DGKH: variants seen among roughly 807,000 people sequenced by gnomAD.
The protein encoded by DGKH is DAG kinase eta.
Under a neutral mutation model 159.3 loss-of-function variants are expected in DGKH, and 90 were observed. That is an observed-to-expected ratio of 0.57 (90% CI 0.48 to 0.67). The LOEUF (loss-of-function observed/expected upper bound fraction) is 0.67, where lower values mean the gene tolerates loss of function less well. DGKH is among the 30% of genes least tolerant of loss of function. The pLI, the probability that DGKH is intolerant of heterozygous loss-of-function variation, is 0.00. For missense variants in DGKH, 1,181 were observed against 1,506.1 expected, an observed-to-expected ratio of 0.78 and a Z score of 3.57; for synonymous variants, 536 against 553.8, an observed-to-expected ratio of 0.97 and a Z score of 0.45.
At chr13:42,183,436 A>C (rs1035207059) in intron 13 of DGKH, among the ~76,000 whole-genome samples, 3 of 152,256 alleles carry the variant, frequency 2.0e-5, no homozygotes, top group Non-Finnish European at 4.4e-5. Context: ...AGTCACACAC[A>C]GACACACATA....
In DGKH at chr13:42,239,015, T is replaced by C. The variant is rs1958470251; in HGVS notation, c.*9827T>C. 1 of 152,152 alleles carries C rather than the reference T, an allele frequency of 6.6e-6. No homozygotes were observed. The highest frequency in any genetic ancestry group is 1.5e-5 in the Non-Finnish European group (1 of 67,996). The allele number at this position is 152,152 out of a possible 1,614,324, so 9.4% of individuals were successfully genotyped here. A position where few individuals can be genotyped will look rare whatever the true frequency, so the allele number is the denominator to read the frequency against. ...AGATTGGAGTTCATCACCGTGGAAT[T>C]TTGATCTGTCTTAATGACACAACTT... On this transcript the variant is annotated 3_prime_UTR_variant, in exon 30 of 30. Coordinates refer to ENST00000337343, the MANE Select transcript of DGKH (RefSeq NM_178009.5).
chr13:42,138,798 C>T (rs1216770466), intron 3 of DGKH, among the ~76,000 whole-genome samples: 1 of 152,156 alleles, frequency 6.6e-6, no homozygotes, highest in Non-Finnish European at 1.5e-5. Context: ...TAGCAGCAAA[C>T]CTCATATTTT....
At chr13:42,070,935 A>G (rs1389138223) in intron 1 of DGKH, 2 of 1,292,360 alleles carry the variant, frequency 1.5e-6, no homozygotes, top group African/African-American at 2.9e-5. Flanking sequence ...GGGGATTGGT[A>G]AGGACAATTT....
chr13:42,241,210 C>G lies in DGKH; in HGVS notation c.*12022C>G, dbSNP rs1958507531. On this transcript the variant is annotated 3_prime_UTR_variant, in exon 30 of 30. Transcript: ENST00000337343. ...TTCTACCTGCTCTATACTTGGCACT[C>G]AATTAGATTCTGGGGATACAGATAA... 1 of 152,208 alleles carries G rather than the reference C, an allele frequency of 6.6e-6. No homozygotes were observed. Among genetic ancestry groups the G allele is most frequent in the African/African-American group, 2.4e-5 (1 of 41,448 alleles). 9.4% of individuals were successfully genotyped at this position (152,208 alleles called of 1,614,324 possible).
intron 1 of DGKH, among the ~76,000 whole-genome samples, chr13:42,119,202 C>T (rs1422580265): frequency 6.6e-6 from 1 of 152,158 alleles, no homozygotes; most frequent in African/African-American, 2.4e-5. Flanking sequence ...TCCCGTATTT[C>T]TCCTCAAAGC....
chr13:42,118,198 G>A (rs949742519), intron 1 of DGKH, among the ~76,000 whole-genome samples: 2 of 151,992 alleles, frequency 1.3e-5, no homozygotes, highest in Non-Finnish European at 2.9e-5. Flanking sequence ...GCCTGGGCAA[G>A]AGAGAGAGAC....
intron 29 of DGKH, among the ~76,000 whole-genome samples, chr13:42,248,949 G>A (rs113236042): frequency 0.015 from 2,296 of 152,216 alleles, 38 homozygotes; most frequent in East Asian, 0.04. Flanking sequence ...TAGGTGATGC[G>A]TGACTGTGCA....
chr13:42,078,774 CAGAT>C (rs1175893506), intron 1 of DGKH, among the ~76,000 whole-genome samples: 1 of 152,040 alleles, frequency 6.6e-6, no homozygotes, highest in East Asian at 1.9e-4. Flanking sequence ...TGCATATAGA[CAGAT>C]AGACAAAAAT....
chr13:42,082,286 C>T (rs563888856), intron 1 of DGKH, among the ~76,000 whole-genome samples: 9 of 152,162 alleles, frequency 5.9e-5, no homozygotes, highest in African/African-American at 1.9e-4. Flanking sequence ...GAAGGGAAAA[C>T]ATCTTACATG....
chr13:42,094,637 G>C (rs1470753669), intron 1 of DGKH, among the ~76,000 whole-genome samples: 1 of 152,110 alleles, frequency 6.6e-6, no homozygotes, highest in East Asian at 1.9e-4. Context: ...AGAGCCAAAC[G>C]TACAACATTG....
chr13:42,217,121 T>G (rs1248022643), intron 26 of DGKH, among the ~76,000 whole-genome samples: 1 of 152,226 alleles, frequency 6.6e-6, no homozygotes, highest in Non-Finnish European at 1.5e-5. Context: ...AGGAATTGAT[T>G]GTATTTGAGA....
intron 30 of DGKH, among the ~76,000 whole-genome samples, chr13:42,253,586 C>G (rs758701094): frequency 6.6e-6 from 1 of 152,180 alleles, no homozygotes; most frequent in Non-Finnish European, 1.5e-5. Flanking sequence ...TTTAGCTTAG[C>G]GGGGAGATTT....
chr13:42,214,593 C>G lies in DGKH; in HGVS notation c.3101C>G (p.Ala1034Gly). 6.2e-7 allele frequency: 1 copy of G among 1,613,560 alleles called. No individual in the cohort carries two copies. The highest frequency in any genetic ancestry group is 8.5e-7 in the Non-Finnish European group (1 of 1,179,686). Residue 1034 changes from alanine (A) to glycine (G), a missense_variant, in exon 25 of 30, where the codon GCC (alanine) becomes GGC (glycine). Physicochemically the swap from Ala to Gly is moderately conservative, Grantham distance 60 (BLOSUM62 0). Around this residue, in one of 5 missense-constraint regions of DGKH, gnomAD observed 335 missense variants for 495.2 expected, o/e 0.68. Coordinates refer to ENST00000337343, the MANE Select transcript of DGKH (RefSeq NM_178009.5). The stretch of plus-strand genomic sequence containing the variant: ...GCCTGCTCCCATGCCCTGAATAAAG[C>G]CAACCCAAGGTGCCCGGAGGTGAGG... The part of the protein sequence containing the change: ...VNACSHALNK[A>G]NPRCPESLTR...
chr13:42,081,936 G>A (rs991722551), intron 1 of DGKH, among the ~76,000 whole-genome samples: 13 of 152,020 alleles, frequency 8.6e-5, no homozygotes, highest in African/African-American at 3.1e-4. Context: ...ATTTATTTTT[G>A]TATCAATTAA....
In DGKH at chr13:42,048,680, C is replaced by G. The variant is rs1188119415; in HGVS notation, c.-94C>G. ...GGAAGATGGCGGCGGCGGCCGGGCA[C>G]GGGGTTCCGGGCTCCGCTCGGGCAG... On this transcript the variant is annotated 5_prime_UTR_variant, in exon 1 of 30. Transcript: ENST00000337343. The surrounding 1 kb of genome is among the most constrained non-coding windows in gnomAD (Gnocchi z 6.7). 1.7e-6 allele frequency: 2 copies of G among 1,201,580 alleles called. No individual in the cohort carries two copies. Among genetic ancestry groups the G allele is most frequent in the Non-Finnish European group, 1.0e-6 (1 of 965,984 alleles). 74.4% of individuals were successfully genotyped at this position (1,201,580 alleles called of 1,614,324 possible). A position where few individuals can be genotyped will look rare whatever the true frequency, so the allele number is the denominator to read the frequency against.
At chr13:42,129,151 G>C (rs1387021895) in intron 2 of DGKH, among the ~76,000 whole-genome samples, 3 of 152,216 alleles carry the variant, frequency 2.0e-5, no homozygotes, top group Non-Finnish European at 4.4e-5. Flanking sequence ...GCCAGGACTG[G>C]TTCTCAGCTC....
chr13:42,232,949 T>G lies in DGKH; in HGVS notation c.*3761T>G, dbSNP rs1958334551. 6.6e-6 allele frequency: 1 copy of G among 151,844 alleles called. No homozygotes were observed. Among genetic ancestry groups the G allele is most frequent in the Non-Finnish European group, 1.5e-5 (1 of 67,998 alleles). The allele number at this position is 151,844 out of a possible 1,614,324, so 9.4% of individuals were successfully genotyped here. A position where few individuals can be genotyped will look rare whatever the true frequency, so the allele number is the denominator to read the frequency against. On this transcript the variant is annotated 3_prime_UTR_variant, in exon 30 of 30. Transcript: ENST00000337343. The stretch of plus-strand genomic sequence containing the variant: ...TTTGAGACCAGCCTCGGCAACATAG[T>G]GAGACCCTGTCTCTGAAAAAAAATT...
At chr13:42,089,658 TCTGCCTTCTG>T (rs1202019946) in intron 1 of DGKH, among the ~76,000 whole-genome samples, 8 of 152,350 alleles carry the variant, frequency 5.3e-5, no homozygotes, top group Middle Eastern at 3.4e-3. Flanking sequence ...TCTCTGCTTC[TCTGCCTTCTG>T]CTGCCTTCTT....
intron 1 of DGKH, among the ~76,000 whole-genome samples, chr13:42,051,646 CTTTTTTTTTTTTTTTTTTTT>C (rs56413015): frequency 4.0e-5 from 2 of 50,130 alleles, no homozygotes; most frequent in African/African-American, 1.5e-4. Context: ...TCAAAGCCAT[CTTTTTTTTTTTTTTTTTTTT>C]TTTTTTTTTT....
Sources: gnomAD v4.1 joint callset for allele counts (sites outside exome capture counted in the v4.1 genomes callset) on GRCh38, gnomAD v4.1.1 for gene constraint, gnomAD v4.1.1 regional missense constraint, Gnocchi (gnomAD v3.1) non-coding constraint, MANE v1.5 for transcripts, NCBI Gene and HGNC (gene_info 2026-07-23, HGNC 2026-07-21) for gene names.